Variants in LARGE1 observed in about 807,000 individuals in gnomAD.
The protein encoded by LARGE1 is xylosyl- and glucuronyltransferase LARGE1.
In LARGE1, 43 loss-of-function variants were observed where a neutral mutation model predicts 87.6. The observed-to-expected ratio is 0.49, with a 90% CI of 0.38 to 0.63. The LOEUF (loss-of-function observed/expected upper bound fraction) is 0.63, where lower values mean the gene tolerates loss of function less well. LARGE1 is among the 30% of genes least tolerant of loss of function. The pLI is 0.00. For missense variants in LARGE1, 802 were observed against 1,000.2 expected (o/e 0.80, Z 2.67); for synonymous variants, 434 against 394.6 (o/e 1.10, Z -1.18).
At chr22:33,363,864 G>A (rs981062583) in intron 9 of LARGE1, among the ~76,000 whole-genome samples, 6 of 149,242 alleles carry the variant, frequency 4.0e-5, no homozygotes, top group Non-Finnish European at 6.0e-5. Flanking sequence ...GGCCAGTAGT[G>A]CAGACAGCAT....
chr22:33,331,025 A>T (rs1427045933), intron 10 of LARGE1, among the ~76,000 whole-genome samples: 4 of 152,198 alleles, frequency 2.6e-5, no homozygotes, highest in Non-Finnish European at 4.4e-5. Context: ...ACGTCTTTTT[A>T]CCAGAGTTGC....
intron 6 of LARGE1, among the ~76,000 whole-genome samples, chr22:33,548,561 A>G (rs1361125393): frequency 1.3e-5 from 2 of 152,130 alleles, no homozygotes; most frequent in Admixed American, 1.3e-4. Flanking sequence ...GATTTCAGGC[A>G]TGTGCCACCA....
chr22:33,148,181 T>C, the LARGE1 span, among the ~76,000 whole-genome samples: 3 of 152,174 alleles, frequency 2.0e-5, no homozygotes, highest in Non-Finnish European at 4.4e-5. Flanking sequence ...GTTCTTGGAC[T>C]TTCCAGACTT....
At chr22:33,626,191 C>T (rs1388129124) in intron 4 of LARGE1, 53 bp downstream of exon 4, 6 of 1,488,354 alleles carry the variant, frequency 4.0e-6, no homozygotes, top group Non-Finnish European at 5.6e-6. Flanking sequence ...CAAGGAAATA[C>T]ACAGGCAGGC....
intron 9 of LARGE1, among the ~76,000 whole-genome samples, chr22:33,345,145 CTCTGAAAACTTTGCT>C (rs1412815491): frequency 6.6e-6 from 1 of 152,118 alleles, no homozygotes; most frequent in Non-Finnish European, 1.5e-5. Context: ...CCAGGCACTG[CTCTGAAAACTTTGCT>C]TCTGATAGCT....
the LARGE1 span, among the ~76,000 whole-genome samples, chr22:33,141,458 G>A: frequency 0.015 from 2,217 of 152,004 alleles, 35 homozygotes; most frequent in Admixed American, 0.053. Context: ...CAAAATTTAT[G>A]GCAAAATAAT....
Position 33,316,089 on chromosome 22 carries a change from C to A in LARGE1, c.1447G>T (p.Asp483Tyr). ...GGGTGAGGCCGTCTGCCATACCTGT[C>A]CATGGACAGCTGAGCGACCAGGGTG... ...DVTLVAQLSM[D>Y]RLQMLEAICK... Residue 483 changes from aspartate to tyrosine, a missense_variant, in exon 11 of 15, where the codon GAC becomes TAC. By Grantham distance (160) the Asp-to-Tyr change is radical (BLOSUM62 -3). Transcript: ENST00000397394. The A allele has an allele frequency of 6.2e-7, 1 of 1,613,740 alleles. No homozygotes were observed. Among genetic ancestry groups the A allele is most frequent in the South Asian group, 1.1e-5 (1 of 91,002 alleles).
intron 11 of LARGE1, among the ~76,000 whole-genome samples, chr22:33,195,507 G>A (rs1305531634): frequency 6.6e-6 from 1 of 151,846 alleles, no homozygotes; most frequent in Non-Finnish European, 1.5e-5. Flanking sequence ...AATTAAATTA[G>A]ACACAAGTAA....
chr22:33,780,383 A>C (rs953242480), intron 1 of LARGE1, among the ~76,000 whole-genome samples: 2 of 152,170 alleles, frequency 1.3e-5, no homozygotes, highest in African/African-American at 4.8e-5. Flanking sequence ...CAGAGTCAAA[A>C]AGAGGCATTT....
At chr22:33,522,405 G>C (rs1295984417) in intron 6 of LARGE1, among the ~76,000 whole-genome samples, 1 of 152,212 alleles carries the variant, frequency 6.6e-6, no homozygotes, top group African/African-American at 2.4e-5. Context: ...TAATCTGAGA[G>C]TTAATAAATG....
chr22:33,894,360 T>G (rs1480545160), intron 1 of LARGE1, among the ~76,000 whole-genome samples: 1 of 152,164 alleles, frequency 6.6e-6, no homozygotes, highest in East Asian at 1.9e-4. Flanking sequence ...TCCAGAGGAT[T>G]CTAGTACACA....
chr22:33,377,080 A>G (rs1488150489), intron 9 of LARGE1, among the ~76,000 whole-genome samples: 1 of 152,232 alleles, frequency 6.6e-6, no homozygotes, highest in African/African-American at 2.4e-5. Flanking sequence ...TTGGGGAAAC[A>G]TCTTGATCAA....
chr22:33,557,955 C>G (rs56991919), intron 6 of LARGE1, among the ~76,000 whole-genome samples: 6,503 of 152,294 alleles, frequency 0.043, 488 homozygotes, highest in African/African-American at 0.15. Flanking sequence ...AAGAACAGGC[C>G]AAGCCTCGCC....
intron 2 of LARGE1, among the ~76,000 whole-genome samples, chr22:33,746,220 C>T (rs1221471223): frequency 1.3e-5 from 2 of 152,088 alleles, no homozygotes; most frequent in African/African-American, 2.4e-5. Flanking sequence ...GCAGCCTGGG[C>T]GACAGAGCAA....
intron 1 of LARGE1, among the ~76,000 whole-genome samples, chr22:33,812,591 T>G (rs2086530939): frequency 6.6e-6 from 1 of 152,232 alleles, no homozygotes; most frequent in Admixed American, 6.5e-5. Context: ...TCCGCCGGGT[T>G]GAAGGCACAG....
chr22:33,835,058 C>A (rs1038665663), intron 1 of LARGE1, among the ~76,000 whole-genome samples: 49 of 152,212 alleles, frequency 3.2e-4, no homozygotes, highest in African/African-American at 1.2e-3. Context: ...GATTTTGTTT[C>A]TCTTCACCCA....
chr22:33,123,390 T>C, the LARGE1 span, among the ~76,000 whole-genome samples: 39 of 152,238 alleles, frequency 2.6e-4, no homozygotes, highest in Middle Eastern at 3.4e-3. Flanking sequence ...CCTCTTTAAA[T>C]CATCAGATTT....
At chr22:33,122,800 A>G in the LARGE1 span, among the ~76,000 whole-genome samples, 2 of 152,210 alleles carry the variant, frequency 1.3e-5, no homozygotes, top group East Asian at 3.8e-4. Context: ...ATTTTCTTGC[A>G]TAAAGCCAAA....
At chr22:33,432,132 A>T in intron 7 of LARGE1, 29 bp downstream of exon 7, 1 of 1,572,500 alleles carries the variant, frequency 6.4e-7, no homozygotes. Flanking sequence ...ACCTTCTGCA[A>T]CTCTTCCCAT....
Sources: allele counts gnomAD v4.1 joint callset (sites outside exome capture counted in the v4.1 genomes callset), GRCh38; gene constraint gnomAD v4.1.1; transcripts MANE v1.5; gene names NCBI Gene and HGNC (gene_info 2026-07-23, HGNC 2026-07-21).